The following SNX3 variants were observed in gnomAD, a reference collection of about 807,000 sequenced individuals.
SNX3 encodes sorting nexin 3, also known as sorting nexin-3.
In SNX3, 5 loss-of-function variants were observed where a neutral mutation model predicts 17.7. The ratio of observed to expected loss-of-function variants is 0.28; its 90% CI spans 0.15 to 0.59. The LOEUF (loss-of-function observed/expected upper bound fraction) is 0.59. Ranked by LOEUF, SNX3 falls within the 20% of genes least tolerant of loss-of-function variation. The probability of loss-of-function intolerance (pLI) is 0.88; values close to 1 mark genes in which losing one functional copy is unlikely to be tolerated. For missense variants in SNX3, 132 were observed against 206.8 expected, an observed-to-expected ratio of 0.64 and a Z score of 2.22; for synonymous variants, 91 against 76.5, an observed-to-expected ratio of 1.19 and a Z score of -0.99.
intron 1 of SNX3, among the ~76,000 whole-genome samples, chr6:108,238,252 CA>C: frequency 6.6e-6 from 1 of 151,998 alleles, no homozygotes. Context: ...AGAGGATACC[CA>C]AGCAGAGTAG....
chr6:108,215,223 G>A (rs905826290), intron 2 of SNX3, among the ~76,000 whole-genome samples: 2 of 152,022 alleles, frequency 1.3e-5, no homozygotes, highest in East Asian at 3.9e-4. Flanking sequence ...GGTGGCGGGC[G>A]CCTGTAGGCC....
At chr6:108,248,787 G>T (rs1245715092) in intron 1 of SNX3, among the ~76,000 whole-genome samples, 2 of 151,374 alleles carry the variant, frequency 1.3e-5, no homozygotes, top group African/African-American at 4.9e-5. Context: ...TTGAGACGGG[G>T]TCTCACTCTG....
At chr6:108,236,324 A>G (rs1014147433) in intron 1 of SNX3, among the ~76,000 whole-genome samples, 1 of 148,222 alleles carries the variant, frequency 6.7e-6, no homozygotes, top group Non-Finnish European at 1.5e-5. Context: ...CTCTCTCTCT[A>G]CCTCTCTTTA....
intron 1 of SNX3, among the ~76,000 whole-genome samples, chr6:108,253,393 CT>C (rs369223904): frequency 0.014 from 1,756 of 123,438 alleles, 11 homozygotes; most frequent in African/African-American, 0.026. Context: ...ATACATATGT[CT>C]TTTTTTTTTT....
At chr6:108,243,120 C>A (rs114476618) in intron 1 of SNX3, among the ~76,000 whole-genome samples, 1 of 152,036 alleles carries the variant, frequency 6.6e-6, no homozygotes, top group Non-Finnish European at 1.5e-5. Context: ...TAAGAGACAG[C>A]GTCTTGCTTA....
At position 108,211,355 on chromosome 6, in the gene SNX3, C is replaced by A. The variant is rs1379611374; in HGVS notation, c.*794G>T. ...ATCACTTTTGTTGTTGTTAAAAATA[C>A]CCCATTCAATGGATGGAAGTATATT... is the stretch of plus-strand genomic sequence containing the variant. On this transcript the variant is annotated 3_prime_UTR_variant, in exon 4 of 4. Coordinates refer to ENST00000230085, the MANE Select transcript of SNX3 (RefSeq NM_003795.6). The A allele has an allele frequency of 2.0e-5, 3 of 152,036 alleles. No homozygotes were observed. Among genetic ancestry groups the A allele is most frequent in the Non-Finnish European group, 4.4e-5 (3 of 68,006 alleles). The allele number at this position is 152,036 out of a possible 1,614,324, so 9.4% of individuals were successfully genotyped here.
intron 1 of SNX3, among the ~76,000 whole-genome samples, chr6:108,251,454 T>A (rs1775855396): frequency 6.6e-6 from 1 of 152,178 alleles, no homozygotes; most frequent in Non-Finnish European, 1.5e-5. Flanking sequence ...CCAGCTTCTT[T>A]TGTAGCTAAG....
intron 1 of SNX3, among the ~76,000 whole-genome samples, chr6:108,254,629 G>A (rs1222665893): frequency 6.6e-6 from 1 of 152,312 alleles, no homozygotes; most frequent in East Asian, 1.9e-4. Flanking sequence ...GGGTGATTAT[G>A]ACAGTCCCTG....
intron 1 of SNX3, among the ~76,000 whole-genome samples, chr6:108,254,208 C>T (rs909266830): frequency 2.0e-5 from 3 of 151,750 alleles, no homozygotes; most frequent in African/African-American, 7.3e-5. Flanking sequence ...AAAGGCTCCT[C>T]AGGTGATATG....
chr6:108,216,239 C>T (rs1774573358), intron 2 of SNX3, among the ~76,000 whole-genome samples: 1 of 148,780 alleles, frequency 6.7e-6, no homozygotes, highest in Non-Finnish European at 1.5e-5. Flanking sequence ...GCTACCACGC[C>T]TGGCTAATTT....
intron 2 of SNX3, chr6:108,222,320 G>A (rs1389794930): frequency 2.3e-6 from 3 of 1,303,846 alleles, no homozygotes; most frequent in Admixed American, 4.6e-5. Flanking sequence ...CTGAGGCAGG[G>A]CTGAAATGAG....
chr6:108,235,790 G>A (rs1775310863), intron 1 of SNX3, among the ~76,000 whole-genome samples: 1 of 152,140 alleles, frequency 6.6e-6, no homozygotes, highest in African/African-American at 2.4e-5. Flanking sequence ...CAGCTACTTG[G>A]GAGGCTGAGG....
chr6:108,247,915 C>G (rs1348935180), intron 1 of SNX3, among the ~76,000 whole-genome samples: 1 of 151,808 alleles, frequency 6.6e-6, no homozygotes, highest in East Asian at 1.9e-4. Flanking sequence ...CTGGGCAACA[C>G]AGCAAGACCC....
At chr6:108,213,472 C>T (rs1447778886) in intron 3 of SNX3, among the ~76,000 whole-genome samples, 3 of 151,522 alleles carry the variant, frequency 2.0e-5, no homozygotes, top group Non-Finnish European at 4.4e-5. Flanking sequence ...GCCAACATGG[C>T]GAAACCCTGT....
chr6:108,241,410 C>A (rs1477454354), intron 1 of SNX3, among the ~76,000 whole-genome samples: 1 of 152,104 alleles, frequency 6.6e-6, no homozygotes, highest in Non-Finnish European at 1.5e-5. Flanking sequence ...AATCCTAGTA[C>A]TTTGGGAGGC....
chr6:108,237,076 C>T (rs588409), intron 1 of SNX3, among the ~76,000 whole-genome samples: 112,439 of 152,148 alleles, frequency 0.74, 42,016 homozygotes, highest in East Asian at 0.99. Flanking sequence ...AAATAAACCA[C>T]GGCTAAGAGA....
chr6:108,234,557 A>G (rs13192088), intron 1 of SNX3, among the ~76,000 whole-genome samples: 1 of 152,190 alleles, frequency 6.6e-6, no homozygotes, highest in African/African-American at 2.4e-5. Context: ...TCTCAAAAAA[A>G]CAAAACAAAA....
intron 1 of SNX3, among the ~76,000 whole-genome samples, chr6:108,245,533 T>C (rs992641020): frequency 6.6e-6 from 1 of 152,250 alleles, no homozygotes; most frequent in Non-Finnish European, 1.5e-5. Flanking sequence ...AATGCCACAC[T>C]GTCTTCCCCA....
chr6:108,246,507 T>C (rs965033721), intron 1 of SNX3, among the ~76,000 whole-genome samples: 20 of 151,046 alleles, frequency 1.3e-4, no homozygotes, highest in Admixed American at 4.6e-4. Flanking sequence ...TTTTTGTATT[T>C]TTAGTAGACA....
Sources: allele counts gnomAD v4.1 joint callset (sites outside exome capture counted in the v4.1 genomes callset), GRCh38; gene constraint gnomAD v4.1.1; transcripts MANE v1.5; gene names NCBI Gene and HGNC (gene_info 2026-07-23, HGNC 2026-07-21).